The following IFT172 variants were observed in gnomAD, a reference collection of about 807,000 sequenced individuals.
IFT172 encodes intraflagellar transport protein 172 homolog.
In IFT172, 164 loss-of-function variants were observed where a neutral mutation model predicts 248.9. The observed-to-expected ratio is 0.66, with a 90% CI of 0.58 to 0.75. The LOEUF is 0.75. Ranked by LOEUF, IFT172 falls within the 30% of genes least tolerant of loss-of-function variation. IFT172 has a pLI of 0.00. For synonymous variants in IFT172, 729 were observed against 791.6 expected, an observed-to-expected ratio of 0.92 and a Z score of 1.33; for missense variants, 1,950 against 2,192.4, an observed-to-expected ratio of 0.89 and a Z score of 2.21.
At chr2:27,453,804 G>A (rs776075278) in intron 33 of IFT172, 65 bp from the exon 34 acceptor site, 397 of 1,482,400 alleles carry the variant, frequency 2.7e-4, no homozygotes, top group Non-Finnish European at 3.5e-4. Flanking sequence ...TGCCACACAG[G>A]TACTCTGGCC....
Position 27,477,291 on chromosome 2 carries a change from T to C in IFT172, c.1251A>G (p.Leu417=). Residue 417 remains leucine (L), a synonymous_variant, in exon 13 of 48, where the codon CTA becomes CTG. Coordinates refer to ENST00000260570, the MANE Select transcript of IFT172 (RefSeq NM_015662.3). The stretch of plus-strand genomic sequence containing the variant: ...CATTATTCCCATATTCCACCAGGGT[T>C]AGCTCTCCGGCATTGAAGATCATGC... The part of the protein sequence containing the change: ...NVCMIFNAGE[L]TLVEYGNNDT... 2 of 1,614,154 alleles carry C rather than the reference T, an allele frequency of 1.2e-6. No individual in the cohort carries two copies. Among genetic ancestry groups the C allele is most frequent in the Non-Finnish European group, 1.7e-6 (2 of 1,180,022 alleles).
chr2:27,489,678 T>A lies in IFT172; in HGVS notation c.-25A>T. 1 of 1,597,782 alleles carries A rather than the reference T, an allele frequency of 6.3e-7. No individual in the cohort carries two copies. The highest frequency in any genetic ancestry group is 8.6e-7 in the Non-Finnish European group (1 of 1,169,078). On this transcript the variant is annotated 5_prime_UTR_variant, in exon 1 of 48. Coordinates refer to ENST00000260570, the MANE Select transcript of IFT172 (RefSeq NM_015662.3). ...TGACGCACACCTGTCTTTCAGATGC[T>A]CCTAGACAGCGACAACTCCCGTGGT...
At chr2:27,489,347 G>A (rs1668997376) in intron 1 of IFT172, among the ~76,000 whole-genome samples, 2 of 152,220 alleles carry the variant, frequency 1.3e-5, no homozygotes, top group African/African-American at 2.4e-5. Context: ...TGAAGGGAGG[G>A]ACATAAGTCG....
intron 13 of IFT172, 127 bp downstream of exon 13, chr2:27,477,090 G>T: frequency 1.2e-6 from 1 of 818,090 alleles, no homozygotes; most frequent in Admixed American, 2.1e-5. Context: ...CTCCCAAAGT[G>T]CTGGGATTAT....
intron 11 of IFT172, 98 bp downstream of exon 11, chr2:27,477,897 A>G: frequency 6.8e-7 from 1 of 1,460,760 alleles, no homozygotes; most frequent in East Asian, 2.3e-5. Flanking sequence ...GAATGTTAGA[A>G]CTTCTCATGG....
chr2:27,460,231 CA>C (rs1572758982), intron 23 of IFT172, among the ~76,000 whole-genome samples: 1 of 145,568 alleles, frequency 6.9e-6, no homozygotes, highest in East Asian at 2.0e-4. Context: ...TAAGAGTCAT[CA>C]CCACTCCCTA....
chr2:27,461,125 C>A (rs1293164285), intron 22 of IFT172, 32 bp from the exon 23 acceptor site: 3 of 1,614,056 alleles, frequency 1.9e-6, no homozygotes, highest in Non-Finnish European at 2.5e-6. Flanking sequence ...CTATGATACC[C>A]CTACAACACA....
rs760418910 is a variant in IFT172, at chr2:27,453,756, G to C, written c.3712-17C>G. On this transcript the variant is annotated splice_polypyrimidine_tract_variant and intron_variant, in intron 33 of 47. Coordinates refer to ENST00000260570, the MANE Select transcript of IFT172 (RefSeq NM_015662.3). ...TCCAGCCTCCTGCTCAGATTTCCAG[G>C]TATCAAGAGGGCAGAGGCAGGCCTG... The C allele has an allele frequency of 1.2e-6, 2 of 1,605,016 alleles. No individual in the cohort carries two copies. The highest frequency in any genetic ancestry group is 1.1e-5 in the South Asian group (1 of 90,726).
chr2:27,459,218 A>G lies in IFT172; in HGVS notation c.2787+160T>C, dbSNP rs1262948498. The G allele has an allele frequency of 1.0e-5, 9 of 887,258 alleles. No individual in the cohort carries two copies. In the Admixed American group the frequency reaches 2.4e-4, roughly 23 times the overall value. 55.0% of individuals were successfully genotyped at this position (887,258 alleles called of 1,614,324 possible). ...GATATCTGTGTCACACTGGAATGAA[A>G]ATGGGAAAGTAAACTGTTCTCTTCC... is the stretch of plus-strand genomic sequence containing the variant. On this transcript the variant is annotated intron_variant, in intron 25 of 47. Coordinates refer to ENST00000260570, the MANE Select transcript of IFT172 (RefSeq NM_015662.3).
chr2:27,457,997 G>A, intron 27 of IFT172, 21 bp from the exon 28 acceptor site: 1 of 1,614,054 alleles, frequency 6.2e-7, no homozygotes, highest in Non-Finnish European at 8.5e-7. Flanking sequence ...AGATACATCT[G>A]GGGCCTCCTA....
chr2:27,465,873 T>C lies in IFT172; in HGVS notation c.1702A>G (p.Ile568Val). ...TTTCCCCCGCCCCGCTCCAGACCTATAACATCACCCTGTAAAAGTTTATCC... is the reference window on the plus strand; with the variant it reads ...TTTCCCCCGCCCCGCTCCAGACCTACAACATCACCCTGTAAAAGTTTATCC... ...VTMFTIRGDV[I>V]GLERGGGKTE... The change falls in exon 17 of 48, where the codon ATA becomes GTA. Residue 568 changes from isoleucine to valine, a missense_variant. Coordinates refer to ENST00000260570, the MANE Select transcript of IFT172 (RefSeq NM_015662.3). The C allele has an allele frequency of 3.1e-6, 5 of 1,614,060 alleles. No individual in the cohort carries two copies. Among genetic ancestry groups the C allele is most frequent in the Non-Finnish European group, 4.2e-6 (5 of 1,179,974 alleles).
chr2:27,485,186 G>A (rs770154249), intron 2 of IFT172, 56 bp from the exon 3 acceptor site: 1 of 1,437,756 alleles, frequency 7.0e-7, no homozygotes, highest in Non-Finnish European at 9.6e-7. Context: ...ACACATGAAA[G>A]AGAAAAGAGA....
Position 27,462,762 on chromosome 2 carries a change from C to T in IFT172, c.2054G>A (p.Arg685Gln), listed in dbSNP as rs561676433. ...GGEGTDFYQV[R>Q]ARLAMLEKNY... ...CTTTTCCAGCATGGCTAGACGTGCTCGGACCTGATAAAAGTCTGTTCCTTC... is the reference window on the plus strand; with the variant it reads ...CTTTTCCAGCATGGCTAGACGTGCTTGGACCTGATAAAAGTCTGTTCCTTC... Residue 685 changes from arginine to glutamine, a missense_variant, in exon 20 of 48, where the codon CGA becomes CAA. Arg to Gln is a conservative substitution (Grantham distance 43). Transcript: ENST00000260570. 1.9e-6 allele frequency: 3 copies of T among 1,614,040 alleles called. No individual in the cohort carries two copies. The highest frequency in any genetic ancestry group is 1.1e-5 in the South Asian group (1 of 91,076).
rs573618268 is a variant in IFT172 at position 27,465,323 on chromosome 2, C to T, written c.1937+88G>A. ...AGTGGGAAGGGAGGGAGTACCTTAA[C>T]ACCGGATTGGAGTAGCCCACAGGGA... On this transcript the variant is annotated intron_variant, in intron 18 of 47. Coordinates refer to ENST00000260570, the MANE Select transcript of IFT172 (RefSeq NM_015662.3). 133 of 1,083,182 alleles carry T rather than the reference C, an allele frequency of 1.2e-4. 1 individual carries two copies. In the South Asian group the frequency reaches 1.6e-3, roughly 13 times the overall value. The allele number at this position is 1,083,182 out of a possible 1,614,324, so 67.1% of individuals were successfully genotyped here. A position where few individuals can be genotyped will look rare whatever the true frequency, so the allele number is the denominator to read the frequency against.
chr2:27,450,371 C>T (rs1387912150), intron 35 of IFT172, among the ~76,000 whole-genome samples: 1 of 152,118 alleles, frequency 6.6e-6, no homozygotes. Flanking sequence ...CCGCCTTTGA[C>T]AAAATCATTT....
intron 23 of IFT172, 32 bp from the exon 24 acceptor site, chr2:27,459,861 A>C (rs558851327): frequency 6.2e-7 from 1 of 1,605,360 alleles, no homozygotes; most frequent in Admixed American, 1.7e-5. Context: ...CTCAGCCCAG[A>C]TTTCCAGGGA....
intron 35 of IFT172, among the ~76,000 whole-genome samples, chr2:27,451,862 G>A (rs1472223050): frequency 2.0e-5 from 3 of 152,054 alleles, no homozygotes; most frequent in African/African-American, 7.3e-5. Context: ...GTCATTTAGA[G>A]GGCCAATCTC....
At chr2:27,458,307 T>G in intron 26 of IFT172, 84 bp from the exon 27 acceptor site, 1 of 1,108,748 alleles carries the variant, frequency 9.0e-7, no homozygotes, top group Non-Finnish European at 1.4e-6. Context: ...GTTCAGAAAC[T>G]CTGAACTCTC....
chr2:27,446,630 C>T (rs1316478456), intron 42 of IFT172: 1 of 308,970 alleles, frequency 3.2e-6, no homozygotes, highest in South Asian at 4.4e-5. Flanking sequence ...TCTCGTGCCT[C>T]AGCCTCCTGA....
Sources: gnomAD v4.1 joint callset for allele counts (sites outside exome capture counted in the v4.1 genomes callset) on GRCh38, gnomAD v4.1.1 for gene constraint, MANE v1.5 for transcripts, NCBI Gene and HGNC (gene_info 2026-07-23, HGNC 2026-07-21) for gene names.